The following NEGR1 variants were observed in gnomAD, a reference collection of about 807,000 sequenced individuals.
The protein encoded by NEGR1 is neuronal growth regulator 1.
NEGR1 carries 10 observed loss-of-function variants against 40.9 expected under a neutral mutation model. The ratio of observed to expected loss-of-function variants is 0.24; its 90% CI spans 0.15 to 0.42. The LOEUF (loss-of-function observed/expected upper bound fraction) is 0.42, where lower values mean the gene tolerates loss of function less well. Ranked by LOEUF, NEGR1 falls within the 10% of genes least tolerant of loss-of-function variation. NEGR1 has a pLI of 1.00. For synonymous variants in NEGR1, 185 were observed against 166.8 expected, an observed-to-expected ratio of 1.11 and a Z score of -0.84; for missense variants, 352 against 438.9, an observed-to-expected ratio of 0.80 and a Z score of 1.77.
intron 6 of NEGR1, among the ~76,000 whole-genome samples, chr1:71,501,361 A>G (rs1646997985): frequency 6.6e-6 from 1 of 152,174 alleles, no homozygotes; most frequent in Admixed American, 6.6e-5. Flanking sequence ...CGTATGAAGC[A>G]ATATTTTTAA....
chr1:71,618,526 G>T (rs1014347737), intron 4 of NEGR1, among the ~76,000 whole-genome samples: 2 of 152,070 alleles, frequency 1.3e-5, no homozygotes, highest in Non-Finnish European at 2.9e-5. Flanking sequence ...GACTGGAAAA[G>T]CAACACACTT....
At chr1:71,678,476 A>T (rs940914318) in intron 4 of NEGR1, among the ~76,000 whole-genome samples, 2 of 152,184 alleles carry the variant, frequency 1.3e-5, no homozygotes, top group Non-Finnish European at 2.9e-5. Flanking sequence ...AAATGCTCAC[A>T]TGTGGACACT....
At chr1:71,701,435 C>T (rs1653687567) in intron 3 of NEGR1, among the ~76,000 whole-genome samples, 1 of 151,926 alleles carries the variant, frequency 6.6e-6, no homozygotes, top group African/African-American at 2.4e-5. Flanking sequence ...AATGTTGGGT[C>T]AAGTCTTTAT....
intron 1 of NEGR1, among the ~76,000 whole-genome samples, chr1:72,043,684 T>G (rs1056411027): frequency 6.6e-5 from 10 of 151,886 alleles, no homozygotes; most frequent in Non-Finnish European, 1.5e-4. Context: ...TGAAATCACA[T>G]GCTATTTGAA....
chr1:71,883,832 T>A (rs1660650862), intron 2 of NEGR1, among the ~76,000 whole-genome samples: 1 of 151,100 alleles, frequency 6.6e-6, no homozygotes, highest in South Asian at 2.1e-4. Flanking sequence ...GGTGTTTGGT[T>A]TTCTGTCTAA....
Position 71,425,882 on chromosome 1 carries a change from C to CA in NEGR1, c.941-18313dup, listed in dbSNP as rs570601762. 4.4e-4 allele frequency among the ~76,000 whole-genome samples: 67 copies of CA among 152,226 alleles called. 1 individual carries two copies. Among genetic ancestry groups the CA allele is most frequent in the South Asian group, 3.3e-3 (16 of 4,822 alleles). ...ATAAAGCAAAAATCAGGACAAAAAA[C>CA]ACCAAACATTCCCCTGAGGCTCATG... On this transcript the variant is annotated intron_variant, in intron 6 of 6. Coordinates refer to ENST00000357731, the MANE Select transcript of NEGR1 (RefSeq NM_173808.3).
At chr1:72,153,090 C>T (rs943997336) in intron 1 of NEGR1, among the ~76,000 whole-genome samples, 1 of 151,718 alleles carries the variant, frequency 6.6e-6, no homozygotes, top group Non-Finnish European at 1.5e-5. Context: ...TCCCATGTAC[C>T]AAACCTGCAC....
chr1:71,790,724 C>G (rs1248466213), intron 2 of NEGR1, among the ~76,000 whole-genome samples: 1 of 151,932 alleles, frequency 6.6e-6, no homozygotes, highest in African/African-American at 2.4e-5. Flanking sequence ...TATGGAAGAC[C>G]AGTGGGATTA....
chr1:71,942,455 C>CTCTATATA (rs1553123457), intron 1 of NEGR1, among the ~76,000 whole-genome samples: 2 of 21,294 alleles, frequency 9.4e-5, no homozygotes, highest in South Asian at 5.9e-3. Flanking sequence ...TTCTTTAAAT[C>CTCTATATA]TATATATATA....
In NEGR1 at chr1:71,631,890, A is replaced by G. The variant is rs988536260; in HGVS notation, c.668-20744T>C. Among the ~76,000 whole-genome samples, 6 of 151,886 alleles carry G rather than the reference A, an allele frequency of 4.0e-5. No individual in the cohort carries two copies. In the South Asian group the frequency reaches 1.2e-3, roughly 31 times the overall value. ...ATATGCACGTTCATACAGTATAGCA[A>G]TTAAGGGGTTTGCATTAAGGAGTAA... On this transcript the variant is annotated intron_variant, in intron 4 of 6. Coordinates refer to ENST00000357731, the MANE Select transcript of NEGR1 (RefSeq NM_173808.3).
At chr1:71,591,469 C>T (rs1419383160) in intron 6 of NEGR1, among the ~76,000 whole-genome samples, 7 of 152,020 alleles carry the variant, frequency 4.6e-5, no homozygotes, top group African/African-American at 1.4e-4. Context: ...TTTACTTTGC[C>T]GTGTTAATTC....
intron 6 of NEGR1, among the ~76,000 whole-genome samples, chr1:71,520,201 T>C (rs896508556): frequency 1.3e-5 from 2 of 151,938 alleles, no homozygotes; most frequent in African/African-American, 4.8e-5. Flanking sequence ...AGTGGTGGGG[T>C]TGTCATGATG....
rs534357874 is a variant in NEGR1 at position 72,241,824 on chromosome 1, A to T, written c.176+40495T>A. Among the ~76,000 whole-genome samples the T allele has an allele frequency of 2.6e-5, 4 of 151,886 alleles. No individual in the cohort carries two copies. In the Middle Eastern group the frequency reaches 0.01, roughly 387 times the overall value. On this transcript the variant is annotated intron_variant, in intron 1 of 6. Transcript: ENST00000357731. ...AAAAGTAACAACACAGATGTAACAT[A>T]ATTTTAGATTTTATATTAATACTTG... is the stretch of plus-strand genomic sequence containing the variant.
At chr1:71,596,393 C>T (rs1649714409) in intron 5 of NEGR1, among the ~76,000 whole-genome samples, 1 of 152,216 alleles carries the variant, frequency 6.6e-6, no homozygotes, top group African/African-American at 2.4e-5. Context: ...CACAGCCCAA[C>T]CCACTAACTA....
chr1:71,467,431 T>C (rs1226620001), intron 6 of NEGR1, among the ~76,000 whole-genome samples: 1 of 152,078 alleles, frequency 6.6e-6, no homozygotes, highest in Non-Finnish European at 1.5e-5. Flanking sequence ...TCAATAATGC[T>C]TTAGTAACAA....
At chr1:72,000,325 C>G (rs537354055) in intron 1 of NEGR1, among the ~76,000 whole-genome samples, 82 of 151,792 alleles carry the variant, frequency 5.4e-4, no homozygotes, top group Non-Finnish European at 9.9e-4. Flanking sequence ...TGTTTCCACA[C>G]AGTAGTAAAT....
chr1:71,654,372 G>T (rs1281041791), intron 4 of NEGR1, among the ~76,000 whole-genome samples: 1 of 152,106 alleles, frequency 6.6e-6, no homozygotes, highest in Non-Finnish European at 1.5e-5. Flanking sequence ...TTGATCAATT[G>T]TTGCAAATAT....
At chr1:71,775,855 T>C (rs1367814973) in intron 3 of NEGR1, among the ~76,000 whole-genome samples, 3 of 151,600 alleles carry the variant, frequency 2.0e-5, no homozygotes, top group Non-Finnish European at 4.4e-5. Flanking sequence ...TAGCCAGATG[T>C]GGTGGTGCAA....
chr1:71,683,550 A>T (rs892739839), intron 4 of NEGR1, among the ~76,000 whole-genome samples: 19 of 152,084 alleles, frequency 1.2e-4, no homozygotes, highest in Non-Finnish European at 2.6e-4. Flanking sequence ...GGTATCTAAC[A>T]TATTATACCT....
Sources: gnomAD v4.1 joint callset for allele counts (sites outside exome capture counted in the v4.1 genomes callset) on GRCh38, gnomAD v4.1.1 for gene constraint, MANE v1.5 for transcripts, NCBI Gene and HGNC (gene_info 2026-07-23, HGNC 2026-07-21) for gene names.